The following PCDHA11 variants were observed in gnomAD, a reference collection of about 807,000 sequenced individuals.
The protein encoded by PCDHA11 is protocadherin alpha 11, also known as protocadherin alpha-11.
In PCDHA11, 61 loss-of-function variants were observed where a neutral mutation model predicts 70.3. That is an observed-to-expected ratio of 0.87 (90% CI 0.71 to 1.07). The LOEUF is 1.07. Ranked by LOEUF, PCDHA11 falls within the 50% of genes least tolerant of loss-of-function variation. The pLI is 0.00. For missense variants in PCDHA11, 1,324 were observed against 1,237.5 expected (o/e 1.07, Z -1.05); for synonymous variants, 633 against 555.1 (o/e 1.14, Z -1.97).
At chr5:140,974,335 G>T (rs1481372488) in intron 1 of PCDHA11, among the ~76,000 whole-genome samples, 2 of 152,158 alleles carry the variant, frequency 1.3e-5, no homozygotes, top group African/African-American at 4.8e-5. Context: ...GTGCTAGCAG[G>T]CTATGCATCC....
chr5:140,951,840 C>T (rs555935634), intron 1 of PCDHA11, among the ~76,000 whole-genome samples: 2 of 152,190 alleles, frequency 1.3e-5, no homozygotes, highest in African/African-American at 4.8e-5. Flanking sequence ...AGCATTAAGC[C>T]AAAAGTCCAA....
At chr5:140,938,719 T>A (rs1484492024) in intron 1 of PCDHA11, among the ~76,000 whole-genome samples, 2 of 152,098 alleles carry the variant, frequency 1.3e-5, no homozygotes, top group African/African-American at 4.8e-5. Context: ...TAGAAACGCG[T>A]TTCTACAGAA....
At chr5:140,877,627 A>C (rs782765998) in intron 1 of PCDHA11, 1 of 1,613,614 alleles carries the variant, frequency 6.2e-7, no homozygotes, top group East Asian at 2.2e-5. Context: ...GCTGCTGTAC[A>C]CTGCGCTGCG....
intron 1 of PCDHA11, among the ~76,000 whole-genome samples, chr5:140,932,460 A>G (rs1275552236): frequency 6.6e-6 from 1 of 151,902 alleles, no homozygotes; most frequent in Non-Finnish European, 1.5e-5. Flanking sequence ...TTGCCAGGGT[A>G]TATAGGAAAT....
At chr5:140,968,460 C>T (rs1554230749) in intron 1 of PCDHA11, 3 of 1,613,978 alleles carry the variant, frequency 1.9e-6, no homozygotes, top group Non-Finnish European at 2.5e-6. Context: ...ACTGTGACTG[C>T]CAACGTATAT....
At chr5:140,967,894 G>A (rs1586251835) in intron 1 of PCDHA11, 5 of 1,614,192 alleles carry the variant, frequency 3.1e-6, no homozygotes, top group Non-Finnish European at 3.4e-6. Context: ...CAGTGCCTGA[G>A]AATGCTACAC....
At chr5:141,005,500 G>A (rs954556024) in intron 3 of PCDHA11, among the ~76,000 whole-genome samples, 2 of 151,574 alleles carry the variant, frequency 1.3e-5, no homozygotes, top group East Asian at 1.9e-4. Flanking sequence ...TCAGGAGATC[G>A]AGACCATCCT....
chr5:140,882,020 C>CA, intron 1 of PCDHA11: 1 of 561,726 alleles, frequency 1.8e-6, no homozygotes, highest in East Asian at 3.1e-5. Context: ...AATACTACAT[C>CA]AATGGAAAAT....
chr5:140,876,031 G>T (rs1554168208), intron 1 of PCDHA11: 1 of 1,613,702 alleles, frequency 6.2e-7, no homozygotes. Flanking sequence ...AACAAAAAAA[G>T]ATAAAAGTAT....
chr5:140,982,340 G>C (rs1186327832), intron 2 of PCDHA11, 135 bp from the exon 3 acceptor site: 1 of 1,458,038 alleles, frequency 6.9e-7, no homozygotes, highest in East Asian at 2.5e-5. Flanking sequence ...AGCAGTAATT[G>C]CTTCAGTTCA....
chr5:140,986,566 TTA>T (rs782155316), intron 3 of PCDHA11, among the ~76,000 whole-genome samples: 3 of 152,114 alleles, frequency 2.0e-5, no homozygotes, highest in Non-Finnish European at 4.4e-5. Context: ...TTGTTATCTG[TTA>T]TTGGTTTTTC....
chr5:140,980,724 T>G (rs2096903192), intron 2 of PCDHA11, among the ~76,000 whole-genome samples: 1 of 152,176 alleles, frequency 6.6e-6, no homozygotes, highest in Non-Finnish European at 1.5e-5. Flanking sequence ...GGGTTTCAAT[T>G]AAGATATTAT....
intron 1 of PCDHA11, among the ~76,000 whole-genome samples, chr5:140,887,248 C>T (rs1232310514): frequency 6.6e-6 from 1 of 152,046 alleles, no homozygotes; most frequent in Non-Finnish European, 1.5e-5. Flanking sequence ...CGGCGCCCGC[C>T]ACCACGCCCT....
At chr5:140,872,598 A>G (rs1211346027) in intron 1 of PCDHA11, among the ~76,000 whole-genome samples, 1 of 152,158 alleles carries the variant, frequency 6.6e-6, no homozygotes, top group African/African-American at 2.4e-5. Context: ...CCCCCATCTG[A>G]AAAAATAATT....
At chr5:140,992,251 A>G (rs1554252780) in intron 3 of PCDHA11, among the ~76,000 whole-genome samples, 1 of 152,198 alleles carries the variant, frequency 6.6e-6, no homozygotes, top group Non-Finnish European at 1.5e-5. Flanking sequence ...AAGTAGAGCT[A>G]AAGATGAAAG....
At chr5:140,967,092 C>A (rs782344374) in intron 1 of PCDHA11, 4 of 1,613,156 alleles carry the variant, frequency 2.5e-6, no homozygotes, top group Non-Finnish European at 2.5e-6. Context: ...GATCGGGAGG[C>A]GCTGTGTGAG....
At chr5:140,967,174 G>A (rs1554229282) in intron 1 of PCDHA11, 1 of 1,611,892 alleles carries the variant, frequency 6.2e-7, no homozygotes, top group Non-Finnish European at 8.5e-7. Flanking sequence ...CCGTTGAGGT[G>A]GAAATATTGG....
chr5:140,881,279 G>A, intron 1 of PCDHA11: 2 of 760,202 alleles, frequency 2.6e-6, no homozygotes, highest in South Asian at 6.0e-5. Flanking sequence ...GAAGTAAGAT[G>A]GAGAGAGAAA....
At chr5:140,999,319 T>G (rs2097853876) in intron 3 of PCDHA11, among the ~76,000 whole-genome samples, 1 of 152,236 alleles carries the variant, frequency 6.6e-6, no homozygotes, top group African/African-American at 2.4e-5. Flanking sequence ...TGACAGACAT[T>G]GATCTGTGTG....
Sources: gnomAD v4.1 joint callset for allele counts (sites outside exome capture counted in the v4.1 genomes callset) on GRCh38, gnomAD v4.1.1 for gene constraint, MANE v1.5 for transcripts, NCBI Gene and HGNC (gene_info 2026-07-23, HGNC 2026-07-21) for gene names.